The following RBFOX1 variants were observed in gnomAD, a reference collection of about 807,000 sequenced individuals.
RBFOX1 encodes RNA binding protein fox-1 homolog 1.
A neutral mutation model predicts 57.7 loss-of-function variants in RBFOX1; 8 were observed. The observed-to-expected ratio is 0.14, with a 90% CI of 0.08 to 0.25. RBFOX1 has a LOEUF of 0.25. RBFOX1 is among the 10% of genes least tolerant of loss of function. The pLI, the probability that RBFOX1 is intolerant of heterozygous loss-of-function variation, is 1.00. For synonymous variants in RBFOX1, 326 were observed against 222.4 expected (o/e 1.47, Z -4.15); for missense variants, 611 against 548.5 (o/e 1.11, Z -1.14).
At chr16:6,873,812 C>T (rs1017574627) in intron 3 of RBFOX1, 1 of 152,060 alleles carries the variant, frequency 6.6e-6, no homozygotes, top group Non-Finnish European at 1.5e-5. Context: ...TGCCATTTTC[C>T]AGATAAGGAA....
intron 3 of RBFOX1, among the ~76,000 whole-genome samples, chr16:6,759,799 A>G (rs1016509565): frequency 6.6e-6 from 1 of 152,196 alleles, no homozygotes; most frequent in African/African-American, 2.4e-5. Flanking sequence ...AGATGTGGCT[A>G]TGAGGATGTT....
At chr16:5,903,525 A>C (rs1249326715) in intron 4 of RBFOX1, among the ~76,000 whole-genome samples, 1 of 152,178 alleles carries the variant, frequency 6.6e-6, no homozygotes, top group East Asian at 1.9e-4. Context: ...CAGAAGGAAG[A>C]GGATGATAAG....
At chr16:6,869,484 T>A (rs1603634595) in intron 3 of RBFOX1, among the ~76,000 whole-genome samples, 1 of 145,738 alleles carries the variant, frequency 6.9e-6, no homozygotes, top group Admixed American at 6.9e-5. Flanking sequence ...TTTTTTTTTT[T>A]AATGTAAATG....
chr16:7,040,570 C>A (rs1223085775), intron 3 of RBFOX1, among the ~76,000 whole-genome samples: 4 of 152,092 alleles, frequency 2.6e-5, no homozygotes, highest in Admixed American at 6.6e-5. Flanking sequence ...CCTTCTTCTC[C>A]ACTATTGGTC....
At chr16:5,845,147 A>G (rs2056723348) in intron 3 of RBFOX1, among the ~76,000 whole-genome samples, 1 of 151,732 alleles carries the variant, frequency 6.6e-6, no homozygotes, top group Non-Finnish European at 1.5e-5. Context: ...GCTTTAATTA[A>G]TGATGAAGCA....
At chr16:7,351,283 A>C (rs1398673386) in intron 4 of RBFOX1, among the ~76,000 whole-genome samples, 1 of 152,176 alleles carries the variant, frequency 6.6e-6, no homozygotes, top group Non-Finnish European at 1.5e-5. Context: ...ATAGAGGGAA[A>C]CTTTTCTATG....
intron 4 of RBFOX1, among the ~76,000 whole-genome samples, chr16:7,507,534 C>T (rs1027818859): frequency 6.6e-6 from 1 of 150,796 alleles, no homozygotes; most frequent in Non-Finnish European, 1.5e-5. Context: ...GGTGTGAAGG[C>T]CTTGGAACGT....
At chr16:6,849,766 A>C (rs890973144) in intron 3 of RBFOX1, among the ~76,000 whole-genome samples, 1 of 152,158 alleles carries the variant, frequency 6.6e-6, no homozygotes, top group Admixed American at 6.5e-5. Context: ...GACCCAGTAC[A>C]AATGCCATCT....
At chr16:7,468,242 C>T (rs2060885233) in intron 4 of RBFOX1, among the ~76,000 whole-genome samples, 1 of 152,134 alleles carries the variant, frequency 6.6e-6, no homozygotes, top group Admixed American at 6.5e-5. Context: ...GCATACCCGC[C>T]CGACCTTTAC....
chr16:5,811,884 G>C (rs1296943363), intron 3 of RBFOX1, among the ~76,000 whole-genome samples: 1 of 152,148 alleles, frequency 6.6e-6, no homozygotes, highest in Non-Finnish European at 1.5e-5. Context: ...TTTAGCTTTA[G>C]AACTCCATCA....
intron 5 of RBFOX1, among the ~76,000 whole-genome samples, chr16:7,539,143 G>T (rs1463129919): frequency 6.6e-6 from 1 of 152,150 alleles, no homozygotes; most frequent in African/African-American, 2.4e-5. Context: ...TTGACTAGGA[G>T]ATATGACAAA....
chr16:5,276,336 A>G (rs2063139443), intron 1 of RBFOX1, among the ~76,000 whole-genome samples: 1 of 152,180 alleles, frequency 6.6e-6, no homozygotes, highest in Non-Finnish European at 1.5e-5. Flanking sequence ...CAGCAAGAAA[A>G]AAATAATCCC....
At chr16:7,062,723 T>C (rs1017280419) in intron 4 of RBFOX1, among the ~76,000 whole-genome samples, 8 of 151,990 alleles carry the variant, frequency 5.3e-5, no homozygotes, top group Admixed American at 1.3e-4. Flanking sequence ...ACAAGCATGA[T>C]TGAAAACCTG....
At chr16:7,680,681 C>T (rs563420821) in intron 14 of RBFOX1, among the ~76,000 whole-genome samples, 7 of 152,108 alleles carry the variant, frequency 4.6e-5, no homozygotes, top group African/African-American at 1.7e-4. Flanking sequence ...AAGATGGCAA[C>T]CAACATAATT....
chr16:5,760,689 T>C (rs1386899616), intron 3 of RBFOX1, among the ~76,000 whole-genome samples: 1 of 152,200 alleles, frequency 6.6e-6, no homozygotes, highest in Non-Finnish European at 1.5e-5. Context: ...GAAATATTTA[T>C]TAGGTTGGTG....
intron 4 of RBFOX1, among the ~76,000 whole-genome samples, chr16:7,207,215 T>C (rs2090170902): frequency 6.6e-6 from 1 of 152,252 alleles, no homozygotes; most frequent in Non-Finnish European, 1.5e-5. Flanking sequence ...TAGCTGCTCA[T>C]TTTTATGTAT....
At chr16:5,873,309 A>C (rs1393131472) in intron 4 of RBFOX1, among the ~76,000 whole-genome samples, 3 of 152,198 alleles carry the variant, frequency 2.0e-5, no homozygotes, top group Admixed American at 2.0e-4. Context: ...CACTCCTATG[A>C]CTTAATTCAC....
intron 4 of RBFOX1, among the ~76,000 whole-genome samples, chr16:7,457,140 G>C (rs367760114): frequency 2.8e-4 from 43 of 152,196 alleles, no homozygotes; most frequent in African/African-American, 1.0e-3. Context: ...GCCTGCCTCA[G>C]CCTCCCAAAG....
chr16:7,014,574 A>G (rs2093812595), intron 3 of RBFOX1, among the ~76,000 whole-genome samples: 1 of 152,036 alleles, frequency 6.6e-6, no homozygotes, highest in Non-Finnish European at 1.5e-5. Flanking sequence ...ACCCCGTCTT[A>G]AACTGAATTT....
Sources: allele counts gnomAD v4.1 joint callset (sites outside exome capture counted in the v4.1 genomes callset), GRCh38; gene constraint gnomAD v4.1.1; transcripts MANE v1.5; gene names NCBI Gene and HGNC (gene_info 2026-07-23, HGNC 2026-07-21).